PCDH11X: variants seen among roughly 807,000 people sequenced by gnomAD.
PCDH11X encodes the protein protocadherin 11 X-linked, also known as protocadherin-11 X-linked.
A neutral mutation model predicts 53.3 loss-of-function variants in PCDH11X; 18 were observed. That is an observed-to-expected ratio of 0.34 (90% CI 0.23 to 0.50). The LOEUF is 0.50. Ranked by LOEUF, PCDH11X falls within the 20% of genes least tolerant of loss-of-function variation. The pLI is 0.98. For synonymous variants in PCDH11X, 279 were observed against 393.3 expected, an observed-to-expected ratio of 0.71 and a Z score of 3.44; for missense variants, 570 against 1,032.4, an observed-to-expected ratio of 0.55 and a Z score of 6.14.
chrX:91,958,825 A>T (rs775795534), intron 6 of PCDH11X, among the ~76,000 whole-genome samples: 1 of 108,724 alleles, frequency 9.2e-6, no homozygotes, highest in Non-Finnish European at 1.9e-5. Flanking sequence ...ACACCTTTGT[A>T]AACTGTTACT....
intron 9 of PCDH11X, among the ~76,000 whole-genome samples, chrX:92,395,858 G>C (rs944274547): frequency 9.2e-6 from 1 of 109,260 alleles, no homozygotes; most frequent in African/African-American, 3.3e-5. Context: ...TGAGAGAAAA[G>C]TAGTATAAAA....
rs1371549038 is a variant in PCDH11X, at chrX:92,132,665, ATATGTATATG to A, written c.3034-68706_3034-68697del. On this transcript the variant is annotated intron_variant, in intron 6 of 10. Coordinates refer to ENST00000682573, the MANE Select transcript of PCDH11X (RefSeq NM_032968.5). ...TATATATATATATATATGTATATAT[ATATGTATATG>A]TATATATATATGTATATATATATAT... 1.2e-3 allele frequency among the ~76,000 whole-genome samples: 67 copies of A among 55,593 alleles called. 1 individual carries two copies. Among genetic ancestry groups the A allele is most frequent in the East Asian group, 8.9e-3 (8 of 895 alleles). 48.3% of individuals were successfully genotyped at this position (55,593 alleles called of 115,157 possible).
intron 7 of PCDH11X, among the ~76,000 whole-genome samples, chrX:92,246,004 T>C (rs752270402): frequency 1.8e-5 from 2 of 111,488 alleles, no homozygotes; most frequent in East Asian, 5.7e-4. Context: ...AATTGTAAAT[T>C]TTGGGGGGGA....
chrX:92,014,232 A>G (rs1255665153), intron 6 of PCDH11X, among the ~76,000 whole-genome samples: 1 of 111,310 alleles, frequency 9.0e-6, no homozygotes, highest in South Asian at 3.8e-4. Flanking sequence ...AAGGATATGA[A>G]CAGACACTTC....
chrX:92,170,487 C>T (rs1185495506), intron 6 of PCDH11X, among the ~76,000 whole-genome samples: 1 of 110,561 alleles, frequency 9.0e-6, no homozygotes, highest in Non-Finnish European at 1.9e-5. Flanking sequence ...GTTCACAAAC[C>T]TTGTTCCAGG....
chrX:92,421,437 G>T (rs1449155293), intron 9 of PCDH11X, among the ~76,000 whole-genome samples: 1 of 111,819 alleles, frequency 8.9e-6, no homozygotes, highest in Non-Finnish European at 1.9e-5. Context: ...CAAAGAACAT[G>T]ATCTCATTCT....
chrX:92,322,698 T>C (rs2148494871), intron 8 of PCDH11X, among the ~76,000 whole-genome samples: 1 of 111,522 alleles, frequency 9.0e-6, no homozygotes, highest in African/African-American at 3.3e-5. Context: ...ATAATACTAT[T>C]ATTAATAACG....
chrX:92,022,036 G>A (rs1257593658), intron 6 of PCDH11X, among the ~76,000 whole-genome samples: 11 of 107,001 alleles, frequency 1.0e-4, no homozygotes, highest in Non-Finnish European at 1.9e-4. Flanking sequence ...AATATGGAAA[G>A]GAAAAATCAG....
intron 8 of PCDH11X, among the ~76,000 whole-genome samples, chrX:92,309,676 T>A (rs1190785347): frequency 1.8e-5 from 2 of 111,832 alleles, no homozygotes; most frequent in Non-Finnish European, 3.8e-5. Context: ...TTTTTCACAA[T>A]GAAAGAAACA....
intron 6 of PCDH11X, among the ~76,000 whole-genome samples, chrX:92,185,269 ATAAG>A (rs1456613832): frequency 9.0e-6 from 1 of 110,578 alleles, no homozygotes; most frequent in African/African-American, 3.3e-5. Context: ...ATTTAAATAA[ATAAG>A]TAAATAAATA....
At chrX:92,531,766 T>A (rs185558819) in intron 10 of PCDH11X, among the ~76,000 whole-genome samples, 1,384 of 110,310 alleles carry the variant, frequency 0.013, 22 homozygotes, top group African/African-American at 0.044. Flanking sequence ...GTCAATTATA[T>A]TTCAGAGAAA....
chrX:92,105,572 A>G (rs1311340940), intron 6 of PCDH11X, among the ~76,000 whole-genome samples: 1 of 107,837 alleles, frequency 9.3e-6, no homozygotes, highest in East Asian at 3.0e-4. Flanking sequence ...CCGTTTTATA[A>G]GATTTGGGTA....
intron 6 of PCDH11X, among the ~76,000 whole-genome samples, chrX:92,093,849 T>C (rs1181517763): frequency 9.0e-6 from 1 of 110,771 alleles, no homozygotes; most frequent in Non-Finnish European, 1.9e-5. Flanking sequence ...GAGAAATATA[T>C]AGAATATAAA....
intron 10 of PCDH11X, among the ~76,000 whole-genome samples, chrX:92,535,287 G>A (rs2074636292): frequency 9.0e-6 from 1 of 111,520 alleles, no homozygotes; most frequent in Middle Eastern, 4.2e-3. Flanking sequence ...CCCATCAACG[G>A]TGCACTGGAT....
At chrX:92,276,315 C>T (rs755611383) in intron 8 of PCDH11X, among the ~76,000 whole-genome samples, 9 of 106,741 alleles carry the variant, frequency 8.4e-5, no homozygotes, top group Admixed American at 6.3e-4. Context: ...CCGAGGCGAT[C>T]GGGCAGCATC....
intron 6 of PCDH11X, among the ~76,000 whole-genome samples, chrX:91,937,074 C>T (rs1235487623): frequency 9.1e-6 from 1 of 110,028 alleles, no homozygotes; most frequent in African/African-American, 3.3e-5. Context: ...ATCTATTTTC[C>T]TAAAACTATA....
chrX:92,286,408 A>T (rs1430456403), intron 8 of PCDH11X, among the ~76,000 whole-genome samples: 1 of 106,885 alleles, frequency 9.4e-6, no homozygotes, highest in African/African-American at 3.4e-5. Flanking sequence ...ATAAAGTGAG[A>T]AGTTAAGCAT....
At chrX:92,244,214 C>T (rs1249647330) in intron 7 of PCDH11X, among the ~76,000 whole-genome samples, 1 of 109,401 alleles carries the variant, frequency 9.1e-6, no homozygotes, top group African/African-American at 3.3e-5. Flanking sequence ...ATGTTTAAAG[C>T]CTTCAATGAA....
chrX:92,225,745 A>G (rs2066958290), intron 7 of PCDH11X, among the ~76,000 whole-genome samples: 1 of 111,879 alleles, frequency 8.9e-6, no homozygotes, highest in South Asian at 3.7e-4. Flanking sequence ...ATTATTTTCC[A>G]AGCTCACAAA....
Sources: gnomAD v4.1 joint callset for allele counts (sites outside exome capture counted in the v4.1 genomes callset) on GRCh38, gnomAD v4.1.1 for gene constraint, MANE v1.5 for transcripts, NCBI Gene and HGNC (gene_info 2026-07-23, HGNC 2026-07-21) for gene names.